The following HFM1 variants were observed in gnomAD, a reference collection of about 807,000 sequenced individuals.
HFM1 encodes probable ATP-dependent DNA helicase HFM1.
HFM1 carries 169 observed loss-of-function variants against 192.1 expected under a neutral mutation model. That is an observed-to-expected ratio of 0.88 (90% CI 0.78 to 1.00). The LOEUF is 1.00. Ranked by LOEUF, HFM1 falls within the 50% of genes least tolerant of loss-of-function variation. The pLI is 0.00. For synonymous variants in HFM1, 525 were observed against 537.8 expected, an observed-to-expected ratio of 0.98 and a Z score of 0.33; for missense variants, 1,661 against 1,668.0, an observed-to-expected ratio of 1.00 and a Z score of 0.07.
intron 30 of HFM1, among the ~76,000 whole-genome samples, chr1:91,305,496 G>A (rs186143232): frequency 1.5e-4 from 23 of 152,154 alleles, no homozygotes; most frequent in African/African-American, 5.5e-4. Context: ...CCAACAGCAT[G>A]TCTATAGAGT....
At chr1:91,342,368 C>T (rs1655484619) in intron 20 of HFM1, among the ~76,000 whole-genome samples, 1 of 152,094 alleles carries the variant, frequency 6.6e-6, no homozygotes, top group South Asian at 2.1e-4. Context: ...AGGAAGAATT[C>T]TTCTGGCCTT....
chr1:91,313,542 T>C, intron 29 of HFM1, 47 bp from the exon 30 acceptor site: 1 of 1,337,778 alleles, frequency 7.5e-7, no homozygotes, highest in Non-Finnish European at 1.0e-6. Context: ...GTCATATAAA[T>C]CCACATATGA....
chr1:91,404,553 C>G, intron 1 of HFM1: 1 of 238,608 alleles, frequency 4.2e-6, no homozygotes. Flanking sequence ...TGGGCCCGCC[C>G]TGCGCCCGAG....
intron 20 of HFM1, chr1:91,329,531 C>T (rs1653484589): frequency 7.5e-6 from 11 of 1,467,292 alleles, no homozygotes; most frequent in Non-Finnish European, 1.0e-5. Context: ...TGTGTTTCCC[C>T]ATTATACCTC....
At chr1:91,316,786 T>C (rs999071009) in intron 25 of HFM1, among the ~76,000 whole-genome samples, 3 of 152,158 alleles carry the variant, frequency 2.0e-5, no homozygotes, top group African/African-American at 4.8e-5. Flanking sequence ...ATATGTATTT[T>C]TGTACTCATG....
chr1:91,267,444 T>C (rs1665869685), intron 35 of HFM1, among the ~76,000 whole-genome samples: 2 of 152,104 alleles, frequency 1.3e-5, no homozygotes, highest in Non-Finnish European at 2.9e-5. Context: ...GTCTGTTTCA[T>C]GAGAGAAAAT....
chr1:91,279,935 A>G (rs1244347644), intron 30 of HFM1, among the ~76,000 whole-genome samples: 1 of 152,184 alleles, frequency 6.6e-6, no homozygotes, highest in Non-Finnish European at 1.5e-5. Context: ...GAGCTCTAAT[A>G]TAGGCTCTTA....
intron 9 of HFM1, among the ~76,000 whole-genome samples, chr1:91,378,846 T>C (rs1481240044): frequency 6.6e-6 from 1 of 152,120 alleles, no homozygotes; most frequent in Non-Finnish European, 1.5e-5. Context: ...AAACTGCCTA[T>C]TCTTTGTCAA....
At chr1:91,336,947 G>A (rs1376157569) in intron 20 of HFM1, among the ~76,000 whole-genome samples, 1 of 152,182 alleles carries the variant, frequency 6.6e-6, no homozygotes, top group Non-Finnish European at 1.5e-5. Context: ...GGATGGAGCT[G>A]GAAGCCGTTA....
Position 91,394,119 on chromosome 1 carries a change from TCC to T in HFM1, c.466_467del (p.Gly156ArgfsTer12). 1 of 1,593,802 alleles carries T rather than the reference TCC, an allele frequency of 6.3e-7. No homozygotes were observed. The highest frequency in any genetic ancestry group is 1.1e-5 in the South Asian group (1 of 88,232). On this transcript the variant is annotated frameshift_variant, in exon 4 of 39. Transcript: ENST00000370425. LOFTEE classifies it high-confidence loss of function. ...TTTTCCGGAATACTGATGTGCTCTC[TCC>T]TTTATCTTCTGCAAAATTAACTAAT... ...TKLVNFAEDK[G>X]ESTSVFRKRL...
At chr1:91,297,841 A>T (rs1180769820) in intron 30 of HFM1, among the ~76,000 whole-genome samples, 1 of 152,220 alleles carries the variant, frequency 6.6e-6, no homozygotes. Context: ...AAGATGGGGA[A>T]AAAACAGAGC....
At chr1:91,310,643 T>C (rs545553334) in intron 30 of HFM1, among the ~76,000 whole-genome samples, 4 of 152,302 alleles carry the variant, frequency 2.6e-5, no homozygotes, top group East Asian at 1.9e-4. Context: ...GGGGAGGTAA[T>C]TGAATCATGG....
rs889842920 is a variant in HFM1 at position 91,322,365 on chromosome 1, A to G, written c.2582+585T>C. Among the ~76,000 whole-genome samples the G allele has an allele frequency of 3.9e-5, 6 of 152,358 alleles. No individual in the cohort carries two copies. In the South Asian group the frequency reaches 1.2e-3, roughly 32 times the overall value. On this transcript the variant is annotated intron_variant, in intron 23 of 38. Transcript: ENST00000370425. Reference sequence around the variant, plus strand: ...AAAAGATCATTTCACCTTAAATTACATAACACTAAGACCTACATACTCAGA... The same window carrying G: ...AAAAGATCATTTCACCTTAAATTACGTAACACTAAGACCTACATACTCAGA...
chr1:91,322,868 T>C (rs910483769), intron 23 of HFM1, 82 bp downstream of exon 23: 2 of 614,170 alleles, frequency 3.3e-6, no homozygotes, highest in South Asian at 3.3e-5. Flanking sequence ...TTTTATGTAA[T>C]CTTTTCTGTA....
chr1:91,350,333 T>C (rs573511596), intron 18 of HFM1, among the ~76,000 whole-genome samples: 1 of 152,292 alleles, frequency 6.6e-6, no homozygotes, highest in South Asian at 2.1e-4. Context: ...GCAGCAACAG[T>C]AGTACTATAT....
chr1:91,398,437 A>G (rs1327399113), intron 2 of HFM1, among the ~76,000 whole-genome samples: 6 of 152,192 alleles, frequency 3.9e-5, no homozygotes, highest in Admixed American at 3.3e-4. Flanking sequence ...CAAGGCTCTT[A>G]CTAACTTGTT....
At position 91,261,293 on chromosome 1, in the gene HFM1, G is replaced by A. The variant is rs537146026; in HGVS notation, c.4305C>T (p.Phe1435=). ...KSLLGIFDGI[F] is the part of the protein sequence containing the mutation. ...ATATAAAAAGTATTTGTTTGTTTTAGAAAATACCATCAAATATTCCCAATA... is the reference window on the plus strand; with the variant it reads ...ATATAAAAAGTATTTGTTTGTTTTAAAAAATACCATCAAATATTCCCAATA... Residue 1435 remains phenylalanine, a synonymous_variant, in exon 39 of 39, where the codon TTC becomes TTT. Transcript: ENST00000370425. 2.3e-6 allele frequency: 3 copies of A among 1,310,390 alleles called. No individual in the cohort carries two copies. The highest frequency in any genetic ancestry group is 1.9e-5 in the South Asian group (1 of 53,892). The allele number at this position is 1,310,390 out of a possible 1,614,324, so 81.2% of individuals were successfully genotyped here.
At chr1:91,283,583 T>C (rs538479108) in intron 30 of HFM1, among the ~76,000 whole-genome samples, 1 of 152,322 alleles carries the variant, frequency 6.6e-6, no homozygotes, top group South Asian at 2.1e-4. Context: ...ACTCTAAAGA[T>C]AGCAGATTCC....
rs538418075 is a variant in HFM1 at position 91,282,967 on chromosome 1, C to T, written c.3392-5905G>A. ...ACTCTAATTAGAGAGATTCCGAGGGCTCCCAAAAATTTCAAGGCAAAGTTG... is the reference window on the plus strand; with the variant it reads ...ACTCTAATTAGAGAGATTCCGAGGGTTCCCAAAAATTTCAAGGCAAAGTTG... On this transcript the variant is annotated intron_variant, in intron 30 of 38. Transcript: ENST00000370425. 3.9e-5 allele frequency among the ~76,000 whole-genome samples: 6 copies of T among 152,206 alleles called. No homozygotes were observed. The East Asian group carries it at 9.7e-4, about 25-fold the overall frequency.
Sources: gnomAD v4.1 joint callset for allele counts (sites outside exome capture counted in the v4.1 genomes callset) on GRCh38, gnomAD v4.1.1 for gene constraint, MANE v1.5 for transcripts, NCBI Gene and HGNC (gene_info 2026-07-23, HGNC 2026-07-21) for gene names.